The following CACNA1C variants were observed in gnomAD, a reference collection of about 807,000 sequenced individuals.
CACNA1C encodes the protein voltage-dependent L-type calcium channel subunit alpha-1C.
A neutral mutation model predicts 229.0 loss-of-function variants in CACNA1C; 30 were observed. The ratio of observed to expected loss-of-function variants is 0.13; its 90% CI spans 0.10 to 0.18. The LOEUF (loss-of-function observed/expected upper bound fraction) is 0.18, where lower values mean the gene tolerates loss of function less well. Ranked by LOEUF, CACNA1C falls within the 10% of genes least tolerant of loss-of-function variation. The pLI, the probability that CACNA1C is intolerant of heterozygous loss-of-function variation, is 1.00. For synonymous variants in CACNA1C, 1,114 were observed against 1,132.5 expected (o/e 0.98, Z 0.33); for missense variants, 1,658 against 2,845.0 (o/e 0.58, Z 9.49).
In CACNA1C at chr12:2,610,536, C is replaced by T. The variant is rs762859446; in HGVS notation, c.3559-5C>T. The T allele has an allele frequency of 3.7e-6, 6 of 1,611,140 alleles. No homozygotes were observed. The highest frequency in any genetic ancestry group is 1.1e-5 in the South Asian group (1 of 90,682). On this transcript the variant is annotated splice_region_variant and splice_polypyrimidine_tract_variant and intron_variant, in intron 27 of 46. Coordinates refer to ENST00000399655, the MANE Select transcript of CACNA1C (RefSeq NM_000719.7). ...CACTCTCCCCATCCTCCACCACCCT[C>T]CCAGCGACAGTGCGTGGAATACGCC... is the stretch of plus-strand genomic sequence containing the variant.
chr12:2,441,456 G>A (rs181676063), intron 3 of CACNA1C, among the ~76,000 whole-genome samples: 58 of 152,328 alleles, frequency 3.8e-4, no homozygotes, highest in African/African-American at 1.4e-3. Flanking sequence ...AGGGTGTTTT[G>A]TTATAAAGTC....
At chr12:2,405,604 G>C (rs1296726501) in intron 3 of CACNA1C, among the ~76,000 whole-genome samples, 2 of 152,062 alleles carry the variant, frequency 1.3e-5, no homozygotes, top group Non-Finnish European at 2.9e-5. Flanking sequence ...GCTGTTTTGT[G>C]GTTGCTCTAA....
intron 3 of CACNA1C, among the ~76,000 whole-genome samples, chr12:2,417,631 G>T (rs2098926859): frequency 6.6e-6 from 1 of 152,138 alleles, no homozygotes. Flanking sequence ...GAGAGGTAAT[G>T]ATGCTGTTAA....
intron 1 of CACNA1C, among the ~76,000 whole-genome samples, chr12:2,104,135 A>G (rs1441858793): frequency 1.3e-5 from 2 of 152,190 alleles, no homozygotes; most frequent in African/African-American, 4.8e-5. Flanking sequence ...TAGCTTGATA[A>G]GGATAGCATT....
intron 3 of CACNA1C, among the ~76,000 whole-genome samples, chr12:2,302,441 T>C (rs1049592322): frequency 2.2e-4 from 33 of 152,002 alleles, no homozygotes; most frequent in African/African-American, 8.0e-4. Flanking sequence ...CGTCAGTCCC[T>C]TGCCTCGTCC....
Position 2,275,576 on chromosome 12 carries a change from G to T in CACNA1C, c.477+155146G>T, listed in dbSNP as rs1372388769. On this transcript the variant is annotated intron_variant, in intron 3 of 46. Transcript: ENST00000399655. This position sits in a 1 kb window ranked among gnomAD's most constrained non-coding sequence, Gnocchi z 4.1. ...CTGCCACCTCCATCTGCACCTGCTT[G>T]TGGAGCCTGTGTCATGGAAGAGAGG... is the stretch of plus-strand genomic sequence containing the variant. 6.6e-6 allele frequency among the ~76,000 whole-genome samples: 1 copy of T among 152,018 alleles called. No homozygotes were observed. Among genetic ancestry groups the T allele is most frequent in the Non-Finnish European group, 1.5e-5 (1 of 68,022 alleles).
intron 15 of CACNA1C, among the ~76,000 whole-genome samples, chr12:2,583,547 G>A (rs1031688648): frequency 1.3e-5 from 2 of 152,196 alleles, no homozygotes; most frequent in Admixed American, 1.3e-4. Context: ...CACGTCCAGA[G>A]CCAGGGGTAA....
chr12:2,115,685 G>A (rs546517813), intron 2 of CACNA1C, 140 bp downstream of exon 2: 207 of 746,752 alleles, frequency 2.8e-4, no homozygotes, highest in Non-Finnish European at 4.2e-4. Context: ...CTGCATCACT[G>A]GGGTGCTGTG....
At chr12:2,056,059 A>G (rs929182021) in intron 1 of CACNA1C, among the ~76,000 whole-genome samples, 2 of 152,206 alleles carry the variant, frequency 1.3e-5, no homozygotes, top group Non-Finnish European at 1.5e-5. Flanking sequence ...GACGAAACAA[A>G]GAGTCGAGAA....
At chr12:2,581,850 T>TG in intron 14 of CACNA1C, 53 bp downstream of exon 14, 1 of 1,158,284 alleles carries the variant, frequency 8.6e-7, no homozygotes. Flanking sequence ...AGTGGCGGGG[T>TG]GGTGGGAGGA....
intron 27 of CACNA1C, among the ~76,000 whole-genome samples, chr12:2,609,927 C>T (rs2076910937): frequency 6.6e-6 from 1 of 152,108 alleles, no homozygotes; most frequent in East Asian, 1.9e-4. Context: ...AGTTTGAGAC[C>T]AGCCTGGCCA....
At chr12:2,545,122 A>T (rs2099878679) in intron 9 of CACNA1C, among the ~76,000 whole-genome samples, 1 of 152,118 alleles carries the variant, frequency 6.6e-6, no homozygotes, top group Admixed American at 6.5e-5. Flanking sequence ...TGTTACACAA[A>T]ATCCACTTTT....
chr12:2,572,328 TCCTTCTCTTCTTC>T (rs2055165838), intron 13 of CACNA1C, among the ~76,000 whole-genome samples: 2 of 144,762 alleles, frequency 1.4e-5, no homozygotes, highest in Admixed American at 6.8e-5. Flanking sequence ...CTCTTCCTCC[TCCTTCTCTTCTTC>T]CTCCTCCTCC....
intron 3 of CACNA1C, among the ~76,000 whole-genome samples, chr12:2,195,993 G>A (rs2097392514): frequency 1.3e-5 from 2 of 152,228 alleles, no homozygotes; most frequent in South Asian, 2.1e-4. Flanking sequence ...TCCCCAGCCT[G>A]TGCACCAAGT....
intron 34 of CACNA1C, 39 bp downstream of exon 34, chr12:2,655,277 A>C: frequency 8.0e-7 from 1 of 1,248,754 alleles, no homozygotes; most frequent in Non-Finnish European, 1.2e-6. Context: ...ATACACACAC[A>C]CCTGCATGGT....
At chr12:2,309,090 C>A (rs2095273418) in intron 3 of CACNA1C, among the ~76,000 whole-genome samples, 1 of 152,182 alleles carries the variant, frequency 6.6e-6, no homozygotes, top group African/African-American at 2.4e-5. Context: ...TTGAAACAAC[C>A]TGAGTGTTAG....
Position 2,679,428 on chromosome 12 carries a change from T to C in CACNA1C, c.5092-16T>C, listed in dbSNP as rs772454813. 52 of 1,510,532 alleles carry C rather than the reference T, an allele frequency of 3.4e-5. No homozygotes were observed. The highest frequency in any genetic ancestry group is 2.3e-4 in the African/African-American group (17 of 72,430). 93.6% of individuals were successfully genotyped at this position (1,510,532 alleles called of 1,614,324 possible). On this transcript the variant is annotated splice_polypyrimidine_tract_variant and intron_variant, in intron 41 of 46. Coordinates refer to ENST00000399655, the MANE Select transcript of CACNA1C (RefSeq NM_000719.7). This position sits in a 1 kb window ranked among gnomAD's most constrained non-coding sequence, Gnocchi z 5.5. ...GCTAAGGGGCTTCTCCACCCACCCC[T>C]CCTTCTTGCCTACAGAGGGCCGGTG...
chr12:2,338,185 C>T (rs970808164), intron 3 of CACNA1C, among the ~76,000 whole-genome samples: 3 of 152,148 alleles, frequency 2.0e-5, no homozygotes, highest in Non-Finnish European at 2.9e-5. Context: ...GAGGAGAGGG[C>T]AACTCGTTTT....
Position 2,689,008 on chromosome 12 carries a change from A to G in CACNA1C, c.6117+229A>G, listed in dbSNP as rs530024698. On this transcript the variant is annotated intron_variant, in intron 46 of 46. Coordinates refer to ENST00000399655, the MANE Select transcript of CACNA1C (RefSeq NM_000719.7). The surrounding 1 kb of genome is among the most constrained non-coding windows in gnomAD (Gnocchi z 4.2). ...CTGGGCCCACTGCAGAGGGCGGCAGAAACCACTGAGCAACTTATCCCTTAT... is the reference window on the plus strand; with the variant it reads ...CTGGGCCCACTGCAGAGGGCGGCAGGAACCACTGAGCAACTTATCCCTTAT... Among the ~76,000 whole-genome samples the G allele has an allele frequency of 6.6e-6, 1 of 152,330 alleles. No homozygotes were observed. The highest frequency in any genetic ancestry group is 6.5e-5 in the Admixed American group (1 of 15,304).
Sources: gnomAD v4.1 joint callset for allele counts (sites outside exome capture counted in the v4.1 genomes callset) on GRCh38, gnomAD v4.1.1 for gene constraint, Gnocchi (gnomAD v3.1) non-coding constraint, MANE v1.5 for transcripts, NCBI Gene and HGNC (gene_info 2026-07-23, HGNC 2026-07-21) for gene names.